The following LYPD6 variants were observed in gnomAD, a reference collection of about 807,000 sequenced individuals.
The protein encoded by LYPD6 is ly6/PLAUR domain-containing protein 6.
In LYPD6, 15 loss-of-function variants were observed where a neutral mutation model predicts 22.7. That is an observed-to-expected ratio of 0.66 (90% CI 0.44 to 1.02). The LOEUF (loss-of-function observed/expected upper bound fraction) is 1.02. Ranked by LOEUF, LYPD6 falls within the 50% of genes least tolerant of loss-of-function variation. The pLI, the probability that LYPD6 is intolerant of heterozygous loss-of-function variation, is 0.00. For synonymous variants in LYPD6, 72 were observed against 77.5 expected, an observed-to-expected ratio of 0.93 and a Z score of 0.37; for missense variants, 189 against 208.4, an observed-to-expected ratio of 0.91 and a Z score of 0.57.
intron 1 of LYPD6, among the ~76,000 whole-genome samples, chr2:149,404,550 A>T (rs1229020252): frequency 6.6e-6 from 1 of 152,156 alleles, no homozygotes; most frequent in African/African-American, 2.4e-5. Context: ...TTATTGGTGT[A>T]TAAGAATGCT....
At chr2:149,438,678 A>G (rs1683489501) in intron 2 of LYPD6, among the ~76,000 whole-genome samples, 1 of 152,262 alleles carries the variant, frequency 6.6e-6, no homozygotes, top group Non-Finnish European at 1.5e-5. Context: ...AGGCAAATCA[A>G]ACACAGTCCT....
intron 1 of LYPD6, among the ~76,000 whole-genome samples, chr2:149,352,622 T>A (rs1681379273): frequency 1.3e-5 from 2 of 152,140 alleles, no homozygotes; most frequent in Admixed American, 1.3e-4. Flanking sequence ...CTTTTGTAAA[T>A]GAAGTTTTGT....
chr2:149,337,201 ACT>A (rs1274297474), intron 1 of LYPD6, among the ~76,000 whole-genome samples: 1 of 151,920 alleles, frequency 6.6e-6, no homozygotes, highest in African/African-American at 2.4e-5. Context: ...AGCACAGAAG[ACT>A]CTCCCAGTAA....
At chr2:149,428,197 TA>T (rs1449399651) in intron 1 of LYPD6, among the ~76,000 whole-genome samples, 1 of 152,202 alleles carries the variant, frequency 6.6e-6, no homozygotes, top group African/African-American at 2.4e-5. Context: ...AATATTAATG[TA>T]AAAAGCATAT....
At chr2:149,375,837 G>A (rs1384527148) in intron 1 of LYPD6, among the ~76,000 whole-genome samples, 1 of 152,200 alleles carries the variant, frequency 6.6e-6, no homozygotes, top group Non-Finnish European at 1.5e-5. Flanking sequence ...GCTGAGGACT[G>A]GGATACTGAG....
At chr2:149,359,016 A>G (rs1438119499) in intron 1 of LYPD6, among the ~76,000 whole-genome samples, 1 of 152,228 alleles carries the variant, frequency 6.6e-6, no homozygotes, top group Non-Finnish European at 1.5e-5. Context: ...AAATATACTT[A>G]CGTCCTCCAT....
intron 1 of LYPD6, among the ~76,000 whole-genome samples, chr2:149,387,948 G>A (rs543092500): frequency 6.6e-6 from 1 of 152,144 alleles, no homozygotes; most frequent in East Asian, 1.9e-4. Context: ...TGACTTCTAA[G>A]TATTTGGTAG....
Position 149,468,646 on chromosome 2 carries a change from G to T in LYPD6, c.219G>T (p.Glu73Asp). The T allele has an allele frequency of 1.2e-6, 2 of 1,612,558 alleles. No individual in the cohort carries two copies. Among genetic ancestry groups the T allele is most frequent in the Admixed American group, 1.7e-5 (1 of 59,884 alleles). The change falls in exon 4 of 5, where the codon GAG (glutamate) becomes GAT (aspartate). Residue 73 changes from glutamate to aspartate, a missense_variant and splice_region_variant. By Grantham distance (45) the Glu-to-Asp change is conservative (BLOSUM62 2). Transcript: ENST00000334166. ...CAAATATATTTTCTCTGTTGACAGA[G>T]ACCAGATACTGCTACACTCAGCACA... ...RWAPDIYCPR[E>D]TRYCYTQHTM...
At chr2:149,418,560 A>G (rs1293836206) in intron 1 of LYPD6, among the ~76,000 whole-genome samples, 1 of 150,768 alleles carries the variant, frequency 6.6e-6, no homozygotes, top group East Asian at 1.9e-4. Flanking sequence ...CTTCTAACAT[A>G]TGGAAACACT....
chr2:149,359,006 A>G (rs1681519067), intron 1 of LYPD6, among the ~76,000 whole-genome samples: 1 of 152,230 alleles, frequency 6.6e-6, no homozygotes, highest in African/African-American at 2.4e-5. Context: ...AACAATTGAA[A>G]AATATACTTA....
intron 1 of LYPD6, among the ~76,000 whole-genome samples, chr2:149,404,321 G>A (rs1426597957): frequency 2.0e-5 from 3 of 152,084 alleles, no homozygotes; most frequent in Non-Finnish European, 4.4e-5. Context: ...AATTACCTTG[G>A]GCAGTATGGC....
chr2:149,454,376 T>G (rs1223879289), intron 3 of LYPD6, among the ~76,000 whole-genome samples: 1 of 152,202 alleles, frequency 6.6e-6, no homozygotes, highest in Non-Finnish European at 1.5e-5. Flanking sequence ...TTGTATAGAA[T>G]GTACTCCTTG....
chr2:149,411,792 T>C (rs1682854107), intron 1 of LYPD6, among the ~76,000 whole-genome samples: 1 of 152,178 alleles, frequency 6.6e-6, no homozygotes, highest in Non-Finnish European at 1.5e-5. Flanking sequence ...CCTCACTCCC[T>C]TAGTGATGGC....
At chr2:149,336,284 T>C (rs1008899185) in intron 1 of LYPD6, among the ~76,000 whole-genome samples, 1 of 152,182 alleles carries the variant, frequency 6.6e-6, no homozygotes, top group Non-Finnish European at 1.5e-5. Context: ...AAAACCAAGC[T>C]GCTAAAGTTG....
At chr2:149,342,848 ACTC>A (rs1254565601) in intron 1 of LYPD6, among the ~76,000 whole-genome samples, 3 of 152,074 alleles carry the variant, frequency 2.0e-5, no homozygotes, top group Non-Finnish European at 4.4e-5. Context: ...TCAGGTTTGA[ACTC>A]CTCCTGTTGC....
intron 1 of LYPD6, among the ~76,000 whole-genome samples, chr2:149,429,639 G>A (rs1265946212): frequency 6.6e-6 from 1 of 152,218 alleles, no homozygotes; most frequent in Non-Finnish European, 1.5e-5. Context: ...CTTGGTGGCT[G>A]GAAGCCAGTA....
the LYPD6 span, among the ~76,000 whole-genome samples, chr2:149,482,089 A>C: frequency 6.6e-6 from 1 of 152,196 alleles, no homozygotes; most frequent in South Asian, 2.1e-4. Flanking sequence ...GGATGAGATA[A>C]TCTGGAGAAA....
At chr2:149,484,742 A>G in the LYPD6 span, among the ~76,000 whole-genome samples, 2 of 152,332 alleles carry the variant, frequency 1.3e-5, no homozygotes, top group South Asian at 4.1e-4. Context: ...AAAACAAGGT[A>G]AGATAAAAAG....
intron 3 of LYPD6, among the ~76,000 whole-genome samples, chr2:149,460,607 G>T (rs1455582029): frequency 2.0e-5 from 3 of 152,152 alleles, no homozygotes; most frequent in South Asian, 2.1e-4. Flanking sequence ...AGATATAGAA[G>T]AATTCAACAG....
Sources: allele counts gnomAD v4.1 joint callset (sites outside exome capture counted in the v4.1 genomes callset), GRCh38; gene constraint gnomAD v4.1.1; transcripts MANE v1.5; gene names NCBI Gene and HGNC (gene_info 2026-07-23, HGNC 2026-07-21).